Variants in CLSTN2 observed in about 807,000 individuals in gnomAD.
The protein encoded by CLSTN2 is calsyntenin-2.
A neutral mutation model predicts 101.2 loss-of-function variants in CLSTN2; 48 were observed. The ratio of observed to expected loss-of-function variants is 0.47; its 90% confidence interval spans 0.38 to 0.60. CLSTN2 has a LOEUF of 0.60. Among genes scored for constraint, CLSTN2 ranks in the 20% least tolerant of loss-of-function variants. CLSTN2 has a pLI of 0.00. For synonymous variants in CLSTN2, 481 were observed against 463.6 expected (o/e 1.04, Z -0.48); for missense variants, 1,160 against 1,238.2 (o/e 0.94, Z 0.95).
chr3:140,418,642 C>T (rs528664637), intron 4 of CLSTN2, among the ~76,000 whole-genome samples: 2 of 151,480 alleles, frequency 1.3e-5, no homozygotes, highest in South Asian at 2.1e-4. Context: ...CTGAGCCTCC[C>T]GAGCCACTGG....
chr3:140,516,528 GGTA>G (rs956933697), intron 8 of CLSTN2, among the ~76,000 whole-genome samples: 1 of 150,820 alleles, frequency 6.6e-6, no homozygotes, highest in African/African-American at 2.4e-5. Context: ...GTGCTGGATT[GGTA>G]GTAGTGAATT....
intron 1 of CLSTN2, among the ~76,000 whole-genome samples, chr3:139,964,205 C>G (rs899127451): frequency 1.3e-5 from 2 of 152,136 alleles, no homozygotes; most frequent in Non-Finnish European, 2.9e-5. Context: ...TATCAGCAGC[C>G]GTACTCTCCT....
chr3:139,948,877 A>T (rs58014050), intron 1 of CLSTN2, among the ~76,000 whole-genome samples: 7,589 of 152,248 alleles, frequency 0.05, 591 homozygotes, highest in African/African-American at 0.17. Context: ...TGGGCTAGAA[A>T]TGAAGCTCTC....
At chr3:140,185,339 A>G (rs2010470466) in intron 2 of CLSTN2, among the ~76,000 whole-genome samples, 1 of 152,222 alleles carries the variant, frequency 6.6e-6, no homozygotes, top group Non-Finnish European at 1.5e-5. Context: ...AAAATAAAGA[A>G]CAAGACCCCC....
intron 2 of CLSTN2, among the ~76,000 whole-genome samples, chr3:140,189,383 A>G (rs1296970789): frequency 6.6e-6 from 1 of 152,146 alleles, no homozygotes; most frequent in African/African-American, 2.4e-5. Flanking sequence ...TATAAGTGAT[A>G]CAGTTTCTCT....
chr3:140,260,364 C>G (rs1211016813), intron 2 of CLSTN2, among the ~76,000 whole-genome samples: 2 of 151,826 alleles, frequency 1.3e-5, no homozygotes, highest in Non-Finnish European at 2.9e-5. Flanking sequence ...CCCAGACGCT[C>G]TTTATGAGGT....
At chr3:140,375,160 G>A (rs79489260) in intron 2 of CLSTN2, among the ~76,000 whole-genome samples, 1 of 152,206 alleles carries the variant, frequency 6.6e-6, no homozygotes, top group Non-Finnish European at 1.5e-5. Flanking sequence ...TAGCTGAGGG[G>A]AAAGGTAGTT....
chr3:140,571,837 C>A lies in CLSTN2; in HGVS notation c.*5584C>A, dbSNP rs1016223413. 1.3e-5 allele frequency: 2 copies of A among 152,236 alleles called. No individual in the cohort carries two copies. Among genetic ancestry groups the A allele is most frequent in the Admixed American group, 1.3e-4 (2 of 15,288 alleles). The allele number at this position is 152,236 out of a possible 1,614,324, so 9.4% of individuals were successfully genotyped here. ...GATTAAGAGCCAGGCTTCATTCCAT[C>A]CCAGGGAGACAAAAAGAGACAGAAG... On this transcript the variant is annotated 3_prime_UTR_variant, in exon 17 of 17. Transcript: ENST00000458420.
intron 1 of CLSTN2, among the ~76,000 whole-genome samples, chr3:139,972,412 T>C (rs1935728082): frequency 6.6e-6 from 1 of 152,094 alleles, no homozygotes; most frequent in Non-Finnish European, 1.5e-5. Context: ...GAAATAATGA[T>C]GTTATTGTTA....
chr3:139,966,922 C>T (rs1480882964), intron 1 of CLSTN2, among the ~76,000 whole-genome samples: 3 of 152,162 alleles, frequency 2.0e-5, no homozygotes, highest in African/African-American at 7.2e-5. Flanking sequence ...GATCATCACT[C>T]TATCGTGCTG....
chr3:140,451,911 T>A (rs1203998907), intron 6 of CLSTN2, among the ~76,000 whole-genome samples: 1 of 152,130 alleles, frequency 6.6e-6, no homozygotes, highest in East Asian at 1.9e-4. Flanking sequence ...GGGAGACCAA[T>A]GAGGATATTA....
chr3:139,998,283 C>A (rs1219739158), intron 1 of CLSTN2, among the ~76,000 whole-genome samples: 8 of 146,656 alleles, frequency 5.5e-5, no homozygotes. Context: ...GACTTCACAT[C>A]TCCCAACCTC....
At chr3:140,472,520 T>C (rs1441357993) in intron 8 of CLSTN2, among the ~76,000 whole-genome samples, 1 of 152,166 alleles carries the variant, frequency 6.6e-6, no homozygotes, top group African/African-American at 2.4e-5. Flanking sequence ...AGCAAAATAA[T>C]TGGGCATTGT....
chr3:140,436,721 A>G (rs996884899), intron 5 of CLSTN2, among the ~76,000 whole-genome samples: 3 of 152,172 alleles, frequency 2.0e-5, no homozygotes, highest in African/African-American at 7.2e-5. Context: ...AATGCGGAGA[A>G]CCTGTCTGGG....
intron 2 of CLSTN2, among the ~76,000 whole-genome samples, chr3:140,265,180 G>T (rs1222883380): frequency 6.6e-6 from 1 of 152,212 alleles, no homozygotes; most frequent in Non-Finnish European, 1.5e-5. Flanking sequence ...GGCCCAAACA[G>T]TGAAGCCAAG....
At chr3:140,144,299 C>G (rs780247478) in intron 1 of CLSTN2, among the ~76,000 whole-genome samples, 1 of 152,112 alleles carries the variant, frequency 6.6e-6, no homozygotes, top group East Asian at 1.9e-4. Flanking sequence ...CAGACTTATT[C>G]TGATTACATT....
chr3:140,202,609 T>G (rs1363922758), intron 2 of CLSTN2, among the ~76,000 whole-genome samples: 2 of 152,080 alleles, frequency 1.3e-5, no homozygotes, highest in African/African-American at 2.4e-5. Flanking sequence ...AGCCTGGAGG[T>G]TGGGAGAAAA....
At chr3:139,936,356 G>A (rs957902798) in intron 1 of CLSTN2, among the ~76,000 whole-genome samples, 2 of 152,190 alleles carry the variant, frequency 1.3e-5, no homozygotes, top group African/African-American at 4.8e-5. Context: ...GAGCAGAGCT[G>A]GTGGGGAACA....
At chr3:139,948,270 A>G (rs1172117963) in intron 1 of CLSTN2, among the ~76,000 whole-genome samples, 1 of 152,088 alleles carries the variant, frequency 6.6e-6, no homozygotes, top group African/African-American at 2.4e-5. Flanking sequence ...TGTTTTCTCA[A>G]TTCAATGGAA....
Sources: allele counts gnomAD v4.1 joint callset (sites outside exome capture counted in the v4.1 genomes callset), GRCh38; gene constraint gnomAD v4.1.1; transcripts MANE v1.5; gene names NCBI Gene and HGNC (gene_info 2026-07-23, HGNC 2026-07-21).